The following HOATZ variants were observed in gnomAD, a reference collection of about 807,000 sequenced individuals.
The protein encoded by HOATZ is cilia- and flagella-associated protein HOATZ.
In HOATZ, 26 loss-of-function variants were observed where a neutral mutation model predicts 24.9. The ratio of observed to expected loss-of-function variants is 1.04; its 90% CI spans 0.76 to 1.45. The LOEUF (loss-of-function observed/expected upper bound fraction) is 1.45, where lower values mean the gene tolerates loss of function less well. HOATZ is among the 40% of genes most tolerant of loss of function. The pLI is 0.00. For missense variants in HOATZ, 226 were observed against 201.5 expected, an observed-to-expected ratio of 1.12 and a Z score of -0.74; for synonymous variants, 83 against 76.6, an observed-to-expected ratio of 1.08 and a Z score of -0.43.
At chr11:111,518,052 A>G (rs1468721398) in intron 3 of HOATZ, among the ~76,000 whole-genome samples, 2 of 152,218 alleles carry the variant, frequency 1.3e-5, no homozygotes, top group Admixed American at 6.5e-5. Context: ...ATGCAGGCCA[A>G]GGAACACTAT....
rs1329316802 is a variant in HOATZ, at chr11:111,518,453, CACTAA to C, written c.339+2349_339+2353del. On this transcript the variant is annotated intron_variant, in intron 3 of 5. Transcript: ENST00000375618. ...TATTGAATGTATATTAGGTACTGTA[CACTAA>C]ACTAAGCAATTGACATACATCAACT... Among the ~76,000 whole-genome samples, 3 of 152,264 alleles carry C rather than the reference CACTAA, an allele frequency of 2.0e-5. 1 individual carries two copies. Among genetic ancestry groups the C allele is most frequent in the Non-Finnish European group, 1.5e-5 (1 of 68,010 alleles).
chr11:111,535,183 A>C (rs1867437633), intron 5 of HOATZ: 1 of 152,236 alleles, frequency 6.6e-6, no homozygotes, highest in South Asian at 2.1e-4. Flanking sequence ...TAATGCTGTC[A>C]AAGTAACACC....
At chr11:111,515,444 A>G (rs551189239) in intron 1 of HOATZ, 67 bp from the exon 2 acceptor site, 1 of 1,341,790 alleles carries the variant, frequency 7.5e-7, no homozygotes, top group East Asian at 2.3e-5. Context: ...TAGTATAAAA[A>G]ATTCAAACGC....
intron 5 of HOATZ, 176 bp from the exon 6 acceptor site, chr11:111,536,594 A>C (rs1008612927): frequency 3.7e-6 from 2 of 544,142 alleles, no homozygotes. Flanking sequence ...CACACTTCAC[A>C]ATATCATAAC....
intron 5 of HOATZ, chr11:111,536,550 T>C (rs2135783940): frequency 2.4e-6 from 1 of 409,728 alleles, no homozygotes; most frequent in Non-Finnish European, 4.4e-6. Context: ...AAACAAAACA[T>C]ATTTGGGGTA....
At chr11:111,523,136 T>G (rs912567665) in intron 3 of HOATZ, among the ~76,000 whole-genome samples, 16 of 152,090 alleles carry the variant, frequency 1.1e-4, no homozygotes, top group African/African-American at 3.4e-4. Flanking sequence ...CAAGATGATG[T>G]TTTGCCTCTG....
chr11:111,514,808 A>C lies in HOATZ; in HGVS notation c.24A>C (p.Glu8Asp), dbSNP rs755604641. METGPSE[E>D]PSGRKESQEM... Reference sequence around the variant, plus strand: ...CCATGGAAACGGGACCCAGCGAAGAACCTAGCGGCCGAAAAGAGTCCCAGG... The same window carrying C: ...CCATGGAAACGGGACCCAGCGAAGACCCTAGCGGCCGAAAAGAGTCCCAGG... The change falls in exon 1 of 6, where the codon GAA becomes GAC. Residue 8 changes from glutamate (E) to aspartate (D), a missense_variant. Transcript: ENST00000375618. The C allele has an allele frequency of 1.2e-6, 2 of 1,613,878 alleles. No individual in the cohort carries two copies. Among genetic ancestry groups the C allele is most frequent in the Non-Finnish European group, 1.7e-6 (2 of 1,179,930 alleles).
intron 3 of HOATZ, among the ~76,000 whole-genome samples, chr11:111,532,106 A>C (rs902980234): frequency 6.6e-6 from 1 of 151,940 alleles, no homozygotes; most frequent in African/African-American, 2.4e-5. Flanking sequence ...CTCCACACAC[A>C]CACCTTTGTC....
intron 3 of HOATZ, chr11:111,525,062 G>C (rs767055804): frequency 9.5e-5 from 29 of 305,724 alleles, no homozygotes; most frequent in East Asian, 1.0e-4. Flanking sequence ...GTAGAGGCAG[G>C]GTTTTGCCAT....
intron 5 of HOATZ, chr11:111,535,517 C>T (rs1474016323): frequency 1.3e-5 from 2 of 152,236 alleles, no homozygotes; most frequent in Non-Finnish European, 2.9e-5. Flanking sequence ...TAAAACATTT[C>T]CCGGCTTGGA....
At chr11:111,526,438 T>C (rs1188484545) in intron 3 of HOATZ, among the ~76,000 whole-genome samples, 1 of 152,164 alleles carries the variant, frequency 6.6e-6, no homozygotes, top group Middle Eastern at 3.4e-3. Context: ...ACCAGATAGA[T>C]TGAAGGGATA....
At chr11:111,522,408 G>T (rs1401830817) in intron 3 of HOATZ, among the ~76,000 whole-genome samples, 2 of 152,148 alleles carry the variant, frequency 1.3e-5, no homozygotes, top group African/African-American at 4.8e-5. Flanking sequence ...TGTGGATCAG[G>T]TAACTCAGAG....
At position 111,533,816 on chromosome 11, in the gene HOATZ, T is replaced by C; in HGVS notation, c.399+11T>C. On this transcript the variant is annotated intron_variant, in intron 4 of 5. Coordinates refer to ENST00000375618, the MANE Select transcript of HOATZ (RefSeq NM_001100388.2). ...GAAGAAAGGATCTCGGTGAGACCAA[T>C]AGTGAGGCATTTGGATAATCTATCT... 4 of 1,551,214 alleles carry C rather than the reference T, an allele frequency of 2.6e-6. No homozygotes were observed. The highest frequency in any genetic ancestry group is 3.5e-6 in the Non-Finnish European group (4 of 1,156,216).
intron 5 of HOATZ, chr11:111,535,425 T>C (rs1867440234): frequency 6.6e-6 from 1 of 152,214 alleles, no homozygotes; most frequent in African/African-American, 2.4e-5. Flanking sequence ...ATAGCATCAA[T>C]AGATACGTCT....
At chr11:111,515,065 G>A in intron 1 of HOATZ, 55 bp downstream of exon 1, 1 of 1,299,188 alleles carries the variant, frequency 7.7e-7, no homozygotes, top group East Asian at 2.3e-5. Flanking sequence ...TAACTGGCCT[G>A]CAGGTACCAG....
chr11:111,520,432 A>C (rs1191693251), intron 3 of HOATZ, among the ~76,000 whole-genome samples: 1 of 152,214 alleles, frequency 6.6e-6, no homozygotes, highest in East Asian at 1.9e-4. Context: ...GAAAATATGC[A>C]ATCTGCAGAA....
chr11:111,536,548 C>A, intron 5 of HOATZ: 1 of 402,566 alleles, frequency 2.5e-6, no homozygotes, highest in Non-Finnish European at 4.5e-6. Context: ...ATAAACAAAA[C>A]ATATTTGGGG....
intron 5 of HOATZ, chr11:111,534,673 A>C: frequency 1.8e-6 from 1 of 549,958 alleles, no homozygotes; most frequent in South Asian, 2.4e-5. Context: ...TGCAAGCATA[A>C]GTTAGTGCAA....
chr11:111,516,461 T>C (rs1347469823), intron 3 of HOATZ, among the ~76,000 whole-genome samples: 1 of 151,620 alleles, frequency 6.6e-6, no homozygotes, highest in Non-Finnish European at 1.5e-5. Context: ...ACAATCCCAA[T>C]GCTTTGGGAG....
Sources: gnomAD v4.1 joint callset for allele counts (sites outside exome capture counted in the v4.1 genomes callset) on GRCh38, gnomAD v4.1.1 for gene constraint, MANE v1.5 for transcripts, NCBI Gene and HGNC (gene_info 2026-07-23, HGNC 2026-07-21) for gene names.